SLC4A10: variants seen among roughly 807,000 people sequenced by gnomAD.
The protein encoded by SLC4A10 is sodium-driven chloride bicarbonate exchanger.
In SLC4A10, 42 loss-of-function variants were observed where a neutral mutation model predicts 137.7. The ratio of observed to expected loss-of-function variants is 0.30; its 90% CI spans 0.24 to 0.39. The LOEUF is 0.39. Ranked by LOEUF, SLC4A10 falls within the 10% of genes least tolerant of loss-of-function variation. SLC4A10 has a pLI of 1.00. For synonymous variants in SLC4A10, 474 were observed against 464.1 expected (o/e 1.02, Z -0.27); for missense variants, 925 against 1,355.0 (o/e 0.68, Z 4.98).
chr2:161,875,304 C>A (rs925730029), intron 8 of SLC4A10, among the ~76,000 whole-genome samples: 5 of 152,120 alleles, frequency 3.3e-5, no homozygotes, highest in Admixed American at 6.5e-5. Context: ...CACCTAGTCT[C>A]CAGGTTAGTT....
At chr2:161,634,572 A>G (rs1240455433) in intron 1 of SLC4A10, among the ~76,000 whole-genome samples, 1 of 151,926 alleles carries the variant, frequency 6.6e-6, no homozygotes, top group East Asian at 1.9e-4. Context: ...TTGGTTTTTA[A>G]TAGACACATA....
chr2:161,893,382 C>G (rs2063114385), intron 10 of SLC4A10, among the ~76,000 whole-genome samples: 1 of 152,014 alleles, frequency 6.6e-6, no homozygotes, highest in Admixed American at 6.6e-5. Context: ...CACCCTTGAA[C>G]TTAACTAACT....
chr2:161,742,018 A>G (rs2047946066), intron 1 of SLC4A10, among the ~76,000 whole-genome samples: 1 of 152,022 alleles, frequency 6.6e-6, no homozygotes, highest in South Asian at 2.1e-4. Flanking sequence ...TCTCCTCTCT[A>G]TCTCCATGAG....
chr2:161,822,830 C>T (rs1201398640), intron 3 of SLC4A10, among the ~76,000 whole-genome samples: 2 of 152,026 alleles, frequency 1.3e-5, no homozygotes, highest in African/African-American at 4.8e-5. Flanking sequence ...CAAAAATTAG[C>T]TAGACATGGT....
chr2:161,949,093 G>A, intron 17 of SLC4A10, 55 bp from the exon 18 acceptor site: 1 of 1,116,800 alleles, frequency 9.0e-7, no homozygotes, highest in Non-Finnish European at 1.3e-6. Context: ...ATGTTCCTGA[G>A]TATTCCTTGA....
At chr2:161,979,050 A>G (rs994880656) in intron 26 of SLC4A10, among the ~76,000 whole-genome samples, 10 of 152,174 alleles carry the variant, frequency 6.6e-5, no homozygotes, top group Non-Finnish European at 1.0e-4. Flanking sequence ...AAAATACGAC[A>G]TTTCTCTGAT....
chr2:161,976,736 T>G, intron 24 of SLC4A10, 24 bp from the exon 25 acceptor site: 1 of 1,260,516 alleles, frequency 7.9e-7, no homozygotes, highest in Non-Finnish European at 1.1e-6. Flanking sequence ...GTTTATTATT[T>G]CATTTGGGGA....
intron 10 of SLC4A10, among the ~76,000 whole-genome samples, chr2:161,892,754 A>C (rs2063054359): frequency 1.3e-5 from 2 of 152,206 alleles, no homozygotes; most frequent in South Asian, 4.1e-4. Flanking sequence ...ATTTCATCCC[A>C]AGTAAAATTT....
At chr2:161,911,207 TACATTATCTTTA>T (rs1218080407) in intron 15 of SLC4A10, among the ~76,000 whole-genome samples, 8 of 152,056 alleles carry the variant, frequency 5.3e-5, no homozygotes, top group Non-Finnish European at 8.8e-5. Context: ...AGTGCTTGTT[TACATTATCTTTA>T]ACAGCACTCT....
At chr2:161,753,008 A>G (rs1251140132) in intron 1 of SLC4A10, among the ~76,000 whole-genome samples, 1 of 152,168 alleles carries the variant, frequency 6.6e-6, no homozygotes, top group Non-Finnish European at 1.5e-5. Flanking sequence ...GTTTTACGCT[A>G]TAAATATATA....
intron 1 of SLC4A10, among the ~76,000 whole-genome samples, chr2:161,767,105 ATATATATATATATATATATATATATATAT>A (rs2050906893): frequency 1.9e-5 from 1 of 51,326 alleles, no homozygotes; most frequent in African/African-American, 1.4e-4. Flanking sequence ...ATATATATAT[ATATATATATATATATATATATATATATAT>A]ATATATGTGT....
intron 1 of SLC4A10, among the ~76,000 whole-genome samples, chr2:161,628,866 A>T (rs940129998): frequency 6.6e-6 from 1 of 152,038 alleles, no homozygotes; most frequent in Non-Finnish European, 1.5e-5. Flanking sequence ...TATGATAAAA[A>T]TATTGAGATC....
chr2:161,941,443 A>G (rs1012371343), intron 15 of SLC4A10, among the ~76,000 whole-genome samples: 2 of 152,182 alleles, frequency 1.3e-5, no homozygotes, highest in African/African-American at 4.8e-5. Flanking sequence ...ATGAATATTC[A>G]TGAAGGGGCA....
chr2:161,720,411 G>C (rs952710698), intron 1 of SLC4A10, among the ~76,000 whole-genome samples: 1 of 152,092 alleles, frequency 6.6e-6, no homozygotes, highest in African/African-American at 2.4e-5. Flanking sequence ...CTTTAAAGTA[G>C]TTTTTTTCCA....
At chr2:161,854,900 T>C (rs1466611970) in intron 4 of SLC4A10, 70 bp from the exon 5 acceptor site, 2 of 1,395,316 alleles carry the variant, frequency 1.4e-6, no homozygotes, top group Non-Finnish European at 1.9e-6. Flanking sequence ...TTCAACCTTT[T>C]ATTTTTGGTA....
chr2:161,809,273 G>C (rs2056315106), intron 3 of SLC4A10, among the ~76,000 whole-genome samples: 1 of 151,930 alleles, frequency 6.6e-6, no homozygotes, highest in African/African-American at 2.4e-5. Flanking sequence ...TGTGGATTCG[G>C]GGTATCAGAC....
At chr2:161,930,962 C>A (rs143717002) in intron 15 of SLC4A10, among the ~76,000 whole-genome samples, 1 of 140,078 alleles carries the variant, frequency 7.1e-6, no homozygotes, top group Non-Finnish European at 1.6e-5. Flanking sequence ...AGACGCGTCT[C>A]GCTCTGTGGC....
chr2:161,790,499 G>A lies in SLC4A10; in HGVS notation c.131-13950G>A, dbSNP rs766570536. Among the ~76,000 whole-genome samples the A allele has an allele frequency of 1.8e-4, 27 of 152,122 alleles. 1 individual carries two copies. The highest frequency in any genetic ancestry group is 1.6e-4 in the Non-Finnish European group (11 of 68,024). ...ATGTCAACTGGTGGAGCAATTCTAA[G>A]GGTGTTTGCTCCATTAGTAATAACC... On this transcript the variant is annotated intron_variant, in intron 2 of 26. Transcript: ENST00000446997.
At chr2:161,833,225 CT>C (rs1301613391) in intron 3 of SLC4A10, among the ~76,000 whole-genome samples, 1 of 152,144 alleles carries the variant, frequency 6.6e-6, no homozygotes, top group Non-Finnish European at 1.5e-5. Context: ...ACTGGGATAT[CT>C]TTTTTGCTCA....
Sources: allele counts gnomAD v4.1 joint callset (sites outside exome capture counted in the v4.1 genomes callset), GRCh38; gene constraint gnomAD v4.1.1; transcripts MANE v1.5; gene names NCBI Gene and HGNC (gene_info 2026-07-23, HGNC 2026-07-21).